Variants in ABCA4 observed in about 807,000 individuals in gnomAD.
The protein encoded by ABCA4 is retinal-specific phospholipid-transporting ATPase ABCA4.
In ABCA4, 196 loss-of-function variants were observed where a neutral mutation model predicts 263.7. The ratio of observed to expected loss-of-function variants is 0.74; its 90% CI spans 0.66 to 0.84. The LOEUF (loss-of-function observed/expected upper bound fraction) is 0.84, where lower values mean the gene tolerates loss of function less well. ABCA4 is among the 40% of genes least tolerant of loss of function. ABCA4 has a pLI of 0.00. For missense variants in ABCA4, 2,792 were observed against 2,855.1 expected (o/e 0.98, Z 0.50); for synonymous variants, 1,133 against 1,094.2 (o/e 1.04, Z -0.70).
chr1:94,014,194 AAAG>A (rs767031879), intron 38 of ABCA4, among the ~76,000 whole-genome samples: 3 of 119,684 alleles, frequency 2.5e-5, no homozygotes, highest in Non-Finnish European at 3.6e-5. Flanking sequence ...AAGAAGGAAG[AAAG>A]AAGGAAGGAT....
At chr1:94,030,282 G>A (rs555366730) in intron 29 of ABCA4, 146 bp downstream of exon 29, 38 of 732,772 alleles carry the variant, frequency 5.2e-5, no homozygotes, top group Non-Finnish European at 8.0e-5. Context: ...TGGAAGGAGA[G>A]GTTGGGGGAG....
intron 48 of ABCA4, 101 bp from the exon 49 acceptor site, chr1:93,996,296 C>T (rs1659001594): frequency 6.5e-6 from 6 of 918,112 alleles, no homozygotes; most frequent in Non-Finnish European, 1.0e-5. Flanking sequence ...AGTTCACATA[C>T]AGCCCTGCTG....
intron 30 of ABCA4, among the ~76,000 whole-genome samples, chr1:94,026,128 G>T (rs576361141): frequency 6.6e-6 from 1 of 152,332 alleles, no homozygotes; most frequent in African/African-American, 2.4e-5. Flanking sequence ...TGTCAAGGGT[G>T]CTGCCCAGAA....
At chr1:94,027,759 G>A (rs2101031045) in intron 30 of ABCA4, among the ~76,000 whole-genome samples, 1 of 152,260 alleles carries the variant, frequency 6.6e-6, no homozygotes, top group South Asian at 2.1e-4. Flanking sequence ...GTTTGTAAGT[G>A]GAAGTACTAT....
At chr1:94,074,037 C>T (rs1661473811) in intron 11 of ABCA4, among the ~76,000 whole-genome samples, 1 of 152,150 alleles carries the variant, frequency 6.6e-6, no homozygotes, top group Non-Finnish European at 1.5e-5. Flanking sequence ...GAGTAACTAA[C>T]TGTACAAGGG....
At chr1:94,108,786 A>ATT (rs4147877) in intron 3 of ABCA4, 70 bp from the exon 4 acceptor site, 224 of 1,299,280 alleles carry the variant, frequency 1.7e-4, no homozygotes, top group Non-Finnish European at 2.1e-4. Flanking sequence ...ATCTCATGCT[A>ATT]TTTTTTTTTT....
At chr1:94,091,137 T>G (rs908907342) in intron 6 of ABCA4, among the ~76,000 whole-genome samples, 2 of 152,104 alleles carry the variant, frequency 1.3e-5, no homozygotes, top group Non-Finnish European at 2.9e-5. Context: ...AGAGAAACAA[T>G]AGCTTGAGAT....
At position 94,056,051 on chromosome 1, in the gene ABCA4, C is replaced by T. The variant is rs539139884; in HGVS notation, c.2382+550G>A. Among the ~76,000 whole-genome samples, 12 of 152,334 alleles carry T rather than the reference C, an allele frequency of 7.9e-5. No individual in the cohort carries two copies. In the East Asian group the frequency reaches 2.3e-3, roughly 29 times the overall value. ...ATTGTGAACTAGGAAGTTTCTCAGG[C>T]CATCAGAAGTCAGCTTCGGGAGTCC... On this transcript the variant is annotated intron_variant, in intron 15 of 49. Coordinates refer to ENST00000370225, the MANE Select transcript of ABCA4 (RefSeq NM_000350.3).
At chr1:94,096,977 C>T (rs1662138221) in intron 6 of ABCA4, among the ~76,000 whole-genome samples, 1 of 152,196 alleles carries the variant, frequency 6.6e-6, no homozygotes, top group African/African-American at 2.4e-5. Context: ...TCTGCAAACA[C>T]CAGCACTGGA....
intron 26 of ABCA4, among the ~76,000 whole-genome samples, chr1:94,033,982 G>A (rs1660275473): frequency 1.3e-5 from 2 of 152,134 alleles, no homozygotes; most frequent in African/African-American, 4.8e-5. Context: ...CATCCTGACT[G>A]GAGCCCACTG....
chr1:94,000,936 G>T lies in ABCA4; in HGVS notation c.6387-8C>A. ...GCCTCACATTCTTCCATGCTGTGGGGCAGGAGAGAGGAGGTGAGCAGGAGA... is the reference window on the plus strand; with the variant it reads ...GCCTCACATTCTTCCATGCTGTGGGTCAGGAGAGAGGAGGTGAGCAGGAGA... On this transcript the variant is annotated splice_region_variant and splice_polypyrimidine_tract_variant and intron_variant, in intron 46 of 49. Coordinates refer to ENST00000370225, the MANE Select transcript of ABCA4 (RefSeq NM_000350.3). The T allele has an allele frequency of 6.2e-7, 1 of 1,614,188 alleles. No homozygotes were observed. Among genetic ancestry groups the T allele is most frequent in the Non-Finnish European group, 8.5e-7 (1 of 1,180,026 alleles).
At position 94,019,641 on chromosome 1, in the gene ABCA4, G is replaced by T. The variant is rs374343397; in HGVS notation, c.5137C>A (p.Gln1713Lys). 8 of 1,612,508 alleles carry T rather than the reference G, an allele frequency of 5.0e-6. No homozygotes were observed. Among genetic ancestry groups the T allele is most frequent in the Non-Finnish European group, 6.8e-6 (8 of 1,179,278 alleles). Residue 1713 changes from glutamine to lysine, a missense_variant, in exon 36 of 50, where the codon CAG becomes AAG. By Grantham distance (53) the Gln-to-Lys change is moderately conservative. Transcript: ENST00000370225. ...GTGGGGCTCACTCCACTGATAAACT[G>T]GAGGTGCTTGGATTTGTTCACCCGC... is the stretch of plus-strand genomic sequence containing the variant. Reference protein sequence around the residue: ...QERVNKSKHLQFISGVSPTTY... With the variant: ...QERVNKSKHLKFISGVSPTTY...
At chr1:94,011,641 T>C (rs1408389863) in intron 38 of ABCA4, among the ~76,000 whole-genome samples, 1 of 152,230 alleles carries the variant, frequency 6.6e-6, no homozygotes, top group Admixed American at 6.5e-5. Flanking sequence ...AATCAAGGAC[T>C]GGGGCTCCCT....
chr1:94,108,802 TCGC>T (rs1303484007), intron 3 of ABCA4, 86 bp from the exon 4 acceptor site: 1 of 1,492,720 alleles, frequency 6.7e-7, no homozygotes, highest in Non-Finnish European at 9.1e-7. Flanking sequence ...TTTTTTTATC[TCGC>T]TCTGTCACCC....
intron 28 of ABCA4, 105 bp from the exon 29 acceptor site, chr1:94,030,631 G>A: frequency 8.9e-7 from 1 of 1,128,868 alleles, no homozygotes; most frequent in East Asian, 2.4e-5. Context: ...ATGTATTGGA[G>A]GCACCGAATG....
intron 42 of ABCA4, 82 bp from the exon 43 acceptor site, chr1:94,007,822 A>T: frequency 7.6e-7 from 1 of 1,320,438 alleles, no homozygotes; most frequent in Non-Finnish European, 1.1e-6. Flanking sequence ...TGTGTGTGTG[A>T]GCTGGGGGAG....
intron 36 of ABCA4, 62 bp downstream of exon 36, chr1:94,019,520 G>A: frequency 6.6e-7 from 1 of 1,525,196 alleles, no homozygotes; most frequent in Non-Finnish European, 8.9e-7. Context: ...GTCCTTCAGA[G>A]CACACACAAG....
intron 1 of ABCA4, among the ~76,000 whole-genome samples, chr1:94,117,283 C>T (rs1427415991): frequency 6.6e-6 from 1 of 152,102 alleles, no homozygotes; most frequent in Non-Finnish European, 1.5e-5. Context: ...GCACTGAGAA[C>T]CAGGACAGAA....
intron 30 of ABCA4, among the ~76,000 whole-genome samples, chr1:94,027,677 T>C (rs1660079573): frequency 6.6e-6 from 1 of 152,234 alleles, no homozygotes; most frequent in Non-Finnish European, 1.5e-5. Context: ...CTGTGATAGG[T>C]GCTGTGGCAA....
Sources: allele counts gnomAD v4.1 joint callset (sites outside exome capture counted in the v4.1 genomes callset), GRCh38; gene constraint gnomAD v4.1.1; transcripts MANE v1.5; gene names NCBI Gene and HGNC (gene_info 2026-07-23, HGNC 2026-07-21).